Variants in CNTN6 observed in about 807,000 individuals in gnomAD.
The protein encoded by CNTN6 is contactin 6, also known as contactin-6.
In CNTN6, 137 loss-of-function variants were observed where a neutral mutation model predicts 122.8. The observed-to-expected ratio is 1.12, with a 90% confidence interval of 0.97 to 1.29. CNTN6 has a LOEUF of 1.29. Among genes scored for constraint, CNTN6 ranks in the 50% most tolerant of loss-of-function variants. CNTN6 has a pLI of 0.00. For synonymous variants in CNTN6, 570 were observed against 426.0 expected (o/e 1.34, Z -4.16); for missense variants, 1,634 against 1,223.4 (o/e 1.34, Z -5.01).
intron 2 of CNTN6, among the ~76,000 whole-genome samples, chr3:1,191,319 A>C (rs1361473406): frequency 2.0e-5 from 3 of 152,122 alleles, no homozygotes; most frequent in Non-Finnish European, 4.4e-5. Context: ...CCAAGCTGTT[A>C]GTAGAAGCTT....
intron 5 of CNTN6, among the ~76,000 whole-genome samples, chr3:1,287,271 T>G (rs925128052): frequency 2.0e-4 from 31 of 152,288 alleles, no homozygotes; most frequent in African/African-American, 7.5e-4. Context: ...CTGCACGTTG[T>G]TAAGATGTTT....
intron 1 of CNTN6, chr3:1,128,184 TC>T (rs1454056053): frequency 6.6e-6 from 1 of 151,970 alleles, no homozygotes; most frequent in African/African-American, 2.4e-5. Flanking sequence ...TGATCTTTCT[TC>T]CATCTCCAAA....
intron 1 of CNTN6, among the ~76,000 whole-genome samples, chr3:1,140,093 CTG>C (rs1256628941): frequency 1.3e-5 from 2 of 152,166 alleles, no homozygotes; most frequent in Non-Finnish European, 2.9e-5. Flanking sequence ...TTCTCCCTGA[CTG>C]TGGAAAGTCT....
intron 5 of CNTN6, among the ~76,000 whole-genome samples, chr3:1,289,968 C>T (rs1695039175): frequency 6.6e-6 from 1 of 152,190 alleles, no homozygotes; most frequent in Non-Finnish European, 1.5e-5. Flanking sequence ...GCCAATGCGC[C>T]CGGCGAGTTT....
At chr3:1,170,545 A>G (rs952352524) in intron 2 of CNTN6, among the ~76,000 whole-genome samples, 1 of 152,194 alleles carries the variant, frequency 6.6e-6, no homozygotes, top group African/African-American at 2.4e-5. Context: ...AGAACTTAAC[A>G]TAAATAAGAA....
chr3:1,328,592 A>G (rs1316352605), intron 10 of CNTN6, among the ~76,000 whole-genome samples: 1 of 151,858 alleles, frequency 6.6e-6, no homozygotes, highest in Non-Finnish European at 1.5e-5. Flanking sequence ...AAATATGGCA[A>G]TTCTTATGGC....
intron 11 of CNTN6, among the ~76,000 whole-genome samples, chr3:1,349,390 T>G (rs1032233300): frequency 6.6e-6 from 1 of 151,568 alleles, no homozygotes. Context: ...TTCTTCTGGC[T>G]GTGTGTGTTT....
intron 1 of CNTN6, among the ~76,000 whole-genome samples, chr3:1,116,844 A>G (rs1358366862): frequency 6.6e-6 from 1 of 151,782 alleles, no homozygotes; most frequent in Non-Finnish European, 1.5e-5. Flanking sequence ...AGCTGGGATT[A>G]CAGGCGCCTG....
chr3:1,275,985 C>G (rs1266744972), intron 4 of CNTN6, among the ~76,000 whole-genome samples: 1 of 152,038 alleles, frequency 6.6e-6, no homozygotes, highest in Admixed American at 6.6e-5. Flanking sequence ...TTAATAGATC[C>G]AAAATGAAAT....
chr3:1,314,530 A>G (rs763921544), intron 7 of CNTN6, among the ~76,000 whole-genome samples: 4 of 152,116 alleles, frequency 2.6e-5, no homozygotes, highest in Non-Finnish European at 5.9e-5. Context: ...TAAAAATTCT[A>G]TTTATGGGCT....
chr3:1,262,486 T>C lies in CNTN6; in HGVS notation c.359-15927T>C, dbSNP rs577154240. Among the ~76,000 whole-genome samples the C allele has an allele frequency of 3.9e-5, 6 of 152,278 alleles. No individual in the cohort carries two copies. In the South Asian group the frequency reaches 1.2e-3, roughly 32 times the overall value. ...AGATATGCCTCCTGCACTTTGTTGG[T>C]CTAAGATTTCTCTTGATCCTTTTTA... On this transcript the variant is annotated intron_variant, in intron 4 of 22. Transcript: ENST00000446702.
chr3:1,108,808 A>C (rs1005007405), intron 1 of CNTN6, among the ~76,000 whole-genome samples: 2 of 152,104 alleles, frequency 1.3e-5, no homozygotes, highest in Non-Finnish European at 2.9e-5. Flanking sequence ...TATTTAAAAG[A>C]AGTTAAGATT....
At chr3:1,398,434 A>G (rs1177859393) in intron 20 of CNTN6, among the ~76,000 whole-genome samples, 1 of 152,168 alleles carries the variant, frequency 6.6e-6, no homozygotes, top group African/African-American at 2.4e-5. Context: ...CTAAAAACAT[A>G]TCAAGCATCC....
At chr3:1,118,298 A>AT (rs2091810746) in intron 1 of CNTN6, among the ~76,000 whole-genome samples, 1 of 152,202 alleles carries the variant, frequency 6.6e-6, no homozygotes, top group African/African-American at 2.4e-5. Context: ...CTAGGGAAAG[A>AT]TAGTGCTCTG....
At chr3:1,376,484 C>G (rs979051011) in intron 16 of CNTN6, among the ~76,000 whole-genome samples, 2 of 152,090 alleles carry the variant, frequency 1.3e-5, no homozygotes, top group African/African-American at 4.8e-5. Flanking sequence ...CTCTTCTTCT[C>G]TCCCGAGAGA....
At chr3:1,250,496 C>A (rs2094647479) in intron 4 of CNTN6, among the ~76,000 whole-genome samples, 1 of 152,156 alleles carries the variant, frequency 6.6e-6, no homozygotes, top group African/African-American at 2.4e-5. Flanking sequence ...CAAACACACA[C>A]TCAAAACACA....
At chr3:1,152,571 T>C (rs566035004) in intron 2 of CNTN6, among the ~76,000 whole-genome samples, 20 of 152,328 alleles carry the variant, frequency 1.3e-4, no homozygotes, top group African/African-American at 4.3e-4. Flanking sequence ...ACTGATGTGA[T>C]TAACTGTCAC....
chr3:1,243,029 A>G (rs2094508196), intron 4 of CNTN6, among the ~76,000 whole-genome samples: 2 of 152,116 alleles, frequency 1.3e-5, no homozygotes, highest in South Asian at 4.1e-4. Flanking sequence ...GGCGTCCGTG[A>G]TGGTCTACGG....
intron 1 of CNTN6, among the ~76,000 whole-genome samples, chr3:1,114,529 C>G (rs1315622448): frequency 6.6e-6 from 1 of 152,130 alleles, no homozygotes; most frequent in Non-Finnish European, 1.5e-5. Flanking sequence ...TAAGAAATGA[C>G]ACATTTTCTT....
Sources: gnomAD v4.1 joint callset for allele counts (sites outside exome capture counted in the v4.1 genomes callset) on GRCh38, gnomAD v4.1.1 for gene constraint, MANE v1.5 for transcripts, NCBI Gene and HGNC (gene_info 2026-07-23, HGNC 2026-07-21) for gene names.